The following PROM1 variants were observed in gnomAD, a reference collection of about 807,000 sequenced individuals.
PROM1 encodes prominin 1.
In PROM1, 105 loss-of-function variants were observed where a neutral mutation model predicts 116.9. The observed-to-expected ratio is 0.90, with a 90% CI of 0.77 to 1.06. PROM1 has a LOEUF of 1.06. Ranked by LOEUF, PROM1 falls within the 50% of genes least tolerant of loss-of-function variation. The pLI is 0.00. For synonymous variants in PROM1, 393 were observed against 387.0 expected, an observed-to-expected ratio of 1.02 and a Z score of -0.18; for missense variants, 1,122 against 1,045.2, an observed-to-expected ratio of 1.07 and a Z score of -1.01.
intron 23 of PROM1, among the ~76,000 whole-genome samples, chr4:15,981,712 C>T (rs7692432): frequency 0.17 from 25,213 of 152,196 alleles, 2,196 homozygotes; most frequent in African/African-American, 0.23. Flanking sequence ...ATGCTAGGGT[C>T]TCAATCAATG....
intron 26 of PROM1, among the ~76,000 whole-genome samples, chr4:15,978,959 T>C (rs1433199211): frequency 6.6e-6 from 1 of 151,958 alleles, no homozygotes; most frequent in Non-Finnish European, 1.5e-5. Flanking sequence ...TTTTTCTGGT[T>C]GGTTACAGTT....
intron 19 of PROM1, among the ~76,000 whole-genome samples, chr4:15,989,325 C>T (rs1445653809): frequency 7.6e-6 from 1 of 130,808 alleles, no homozygotes; most frequent in Non-Finnish European, 1.7e-5. Flanking sequence ...CAACGCCCAT[C>T]GAGACAGCAG....
intron 13 of PROM1, among the ~76,000 whole-genome samples, chr4:16,000,952 C>T (rs547597907): frequency 3.9e-5 from 6 of 152,168 alleles, no homozygotes; most frequent in Admixed American, 2.6e-4. Flanking sequence ...TGGGGACCCA[C>T]GAGGGGTAGC....
chr4:16,063,367 C>A (rs990409763), intron 2 of PROM1, among the ~76,000 whole-genome samples: 2 of 152,150 alleles, frequency 1.3e-5, no homozygotes, highest in African/African-American at 2.4e-5. Flanking sequence ...GAGGCCGAGG[C>A]AGGGGATCAC....
chr4:16,013,623 T>C (rs189149609), intron 10 of PROM1, among the ~76,000 whole-genome samples: 48 of 152,212 alleles, frequency 3.2e-4, no homozygotes, highest in Non-Finnish European at 7.3e-5. Context: ...GGTACTATTA[T>C]GGGTACATAC....
At chr4:16,033,262 C>T (rs1733159347) in intron 5 of PROM1, 42 bp downstream of exon 5, 1 of 1,502,980 alleles carries the variant, frequency 6.7e-7, no homozygotes, top group Admixed American at 1.9e-5. Flanking sequence ...CACTCTTCAT[C>T]AGCCTAAAAC....
At chr4:16,004,667 C>T (rs1724706393) in intron 13 of PROM1, among the ~76,000 whole-genome samples, 1 of 152,140 alleles carries the variant, frequency 6.6e-6, no homozygotes, top group Admixed American at 6.5e-5. Flanking sequence ...ATTACTTTTA[C>T]AGCAACCTAA....
rs372513650 is a variant in PROM1, at chr4:15,998,489, C to G, written c.1579-1G>C. The G allele has an allele frequency of 3.4e-5, 54 of 1,596,870 alleles. No homozygotes were observed. The highest frequency in any genetic ancestry group is 4.4e-5 in the Non-Finnish European group (52 of 1,173,986). On this transcript the variant is annotated splice_acceptor_variant, in intron 14 of 27. Coordinates refer to ENST00000447510, the MANE Select transcript of PROM1 (RefSeq NM_006017.3). LOFTEE classifies it high-confidence loss of function. ...TTAGTAAGTAGGGTGTATCCAAAAC[C>G]TAGAACACATTAGGAAGTATTTTCG...
chr4:16,081,677 A>G (rs1025023482), intron 1 of PROM1, among the ~76,000 whole-genome samples: 2 of 152,220 alleles, frequency 1.3e-5, no homozygotes, highest in Non-Finnish European at 1.5e-5. Context: ...GACCCTTAAC[A>G]AATCTCAGAA....
intron 9 of PROM1, among the ~76,000 whole-genome samples, chr4:16,016,803 C>A (rs575421659): frequency 6.3e-4 from 96 of 152,224 alleles, no homozygotes; most frequent in Non-Finnish European, 1.2e-3. Context: ...AAACTGAAGA[C>A]CATTCTACAA....
At chr4:16,002,963 G>A (rs570609635) in intron 13 of PROM1, among the ~76,000 whole-genome samples, 2 of 152,150 alleles carry the variant, frequency 1.3e-5, no homozygotes, top group Non-Finnish European at 2.9e-5. Context: ...TAAGATGAAA[G>A]AGCAAAAGAA....
rs947805890 is a variant in PROM1, at chr4:15,968,712, G to C, written c.*681C>G. 1.3e-5 allele frequency: 2 copies of C among 152,190 alleles called. No homozygotes were observed. Among genetic ancestry groups the C allele is most frequent in the Non-Finnish European group, 2.9e-5 (2 of 68,048 alleles). The allele number at this position is 152,190 out of a possible 1,614,324, so 9.4% of individuals were successfully genotyped here. A position where few individuals can be genotyped will look rare whatever the true frequency, so the allele number is the denominator to read the frequency against. Reference sequence around the variant, plus strand: ...TGAATTTGTCAGATGGAGTTACGCAGGTTTCTCTATGATTGCTTTTGCATG... The same window carrying C: ...TGAATTTGTCAGATGGAGTTACGCACGTTTCTCTATGATTGCTTTTGCATG... On this transcript the variant is annotated 3_prime_UTR_variant, in exon 28 of 28. Coordinates refer to ENST00000447510, the MANE Select transcript of PROM1 (RefSeq NM_006017.3).
At chr4:16,078,991 G>A (rs1014689846) in intron 1 of PROM1, among the ~76,000 whole-genome samples, 2 of 152,108 alleles carry the variant, frequency 1.3e-5, no homozygotes, top group Non-Finnish European at 2.9e-5. Flanking sequence ...TACGCCCACC[G>A]TCACATCCAC....
chr4:16,048,370 G>T (rs897601629), intron 2 of PROM1, among the ~76,000 whole-genome samples: 2 of 152,144 alleles, frequency 1.3e-5, no homozygotes, highest in African/African-American at 4.8e-5. Flanking sequence ...TGCTACAACA[G>T]GGCTGTACTT....
At position 15,998,482 on chromosome 4, in the gene PROM1, C is replaced by A. The variant is rs771981684; in HGVS notation, c.1585G>T (p.Asp529Tyr). 1.9e-6 allele frequency: 3 copies of A among 1,606,914 alleles called. No homozygotes were observed. In the South Asian group the frequency reaches 3.4e-5, roughly 18 times the overall value. The change falls in exon 15 of 28, where the codon GAT (aspartate) becomes TAT (tyrosine). Residue 529 changes from aspartate to tyrosine, a missense_variant. Transcript: ENST00000447510. ...TCTTCATTTAGTAAGTAGGGTGTAT[C>A]CAAAACCTAGAACACATTAGGAAGT... ...YTSKELFRVL[D>Y]TPYLLNEDWE...
At position 16,033,480 on chromosome 4, in the gene PROM1, T is replaced by G. The variant is rs182877482; in HGVS notation, c.333A>C (p.Leu111=). The G allele has an allele frequency of 7.5e-6, 12 of 1,608,590 alleles. No individual in the cohort carries two copies. In the African/African-American group the frequency reaches 1.6e-4, roughly 22 times the overall value. ...KIVYYEAGII[L]CCVLGLLFII... Reference sequence around the variant, plus strand: ...TAAACAGCAGCCCCAGGACACAGCATAGAATAATCCCTGCTTCATAGTAGA... The same window carrying G: ...TAAACAGCAGCCCCAGGACACAGCAGAGAATAATCCCTGCTTCATAGTAGA... Residue 111 remains leucine (L), a synonymous_variant, in exon 5 of 28, where the codon CTA becomes CTC. Coordinates refer to ENST00000447510, the MANE Select transcript of PROM1 (RefSeq NM_006017.3).
intron 20 of PROM1, 148 bp downstream of exon 20, chr4:15,987,515 A>G: frequency 2.5e-6 from 2 of 807,408 alleles, no homozygotes; most frequent in South Asian, 1.6e-5. Context: ...AGGAAATAGT[A>G]GGAAAGCCCA....
At chr4:16,018,846 G>C (rs567539243) in intron 8 of PROM1, among the ~76,000 whole-genome samples, 17 of 152,300 alleles carry the variant, frequency 1.1e-4, no homozygotes, top group Admixed American at 3.3e-4. Flanking sequence ...GGCCAGCAAA[G>C]TTGTCACCAC....
intron 19 of PROM1, among the ~76,000 whole-genome samples, chr4:15,988,028 C>G (rs1176904758): frequency 6.6e-6 from 1 of 152,144 alleles, no homozygotes; most frequent in Non-Finnish European, 1.5e-5. Flanking sequence ...AGGCGTCCTC[C>G]ACCACGCCCG....
Sources: gnomAD v4.1 joint callset for allele counts (sites outside exome capture counted in the v4.1 genomes callset) on GRCh38, gnomAD v4.1.1 for gene constraint, MANE v1.5 for transcripts, NCBI Gene and HGNC (gene_info 2026-07-23, HGNC 2026-07-21) for gene names.